SV2B: variants seen among roughly 807,000 people sequenced by gnomAD.
SV2B encodes the protein synaptic vesicle glycoprotein 2B, also known as solute carrier family 22 member B2.
SV2B carries 41 observed loss-of-function variants against 73.9 expected under a neutral mutation model. That is an observed-to-expected ratio of 0.56 (90% confidence interval 0.43 to 0.72). SV2B has a LOEUF of 0.72. SV2B is among the 30% of genes least tolerant of loss of function. SV2B has a pLI of 0.00. For missense variants in SV2B, 764 were observed against 857.8 expected, an observed-to-expected ratio of 0.89 and a Z score of 1.37; for synonymous variants, 314 against 314.2, an observed-to-expected ratio of 1.00 and a Z score of 0.01.
intron 1 of SV2B, among the ~76,000 whole-genome samples, chr15:91,178,854 C>T (rs2044433728): frequency 6.9e-6 from 1 of 145,284 alleles, no homozygotes; most frequent in African/African-American, 2.5e-5. Context: ...CTCCTGGATT[C>T]ATTAATTTTT....
chr15:91,208,329 C>G (rs57570463), intron 1 of SV2B, among the ~76,000 whole-genome samples: 5,232 of 152,222 alleles, frequency 0.034, 243 homozygotes, highest in East Asian at 0.12. Context: ...TTATATCTCT[C>G]GGGGAATCAT....
At chr15:91,163,792 C>A (rs1177483203) in intron 1 of SV2B, among the ~76,000 whole-genome samples, 1 of 152,172 alleles carries the variant, frequency 6.6e-6, no homozygotes, top group African/African-American at 2.4e-5. Flanking sequence ...TCAATTTTGG[C>A]TTTTGTTGCC....
At position 91,134,059 on chromosome 15, in the gene SV2B, C is replaced by T. The variant is rs145116597; in HGVS notation, c.-392+33696C>T. ...TGTCTCCTAGGCTGGAGTGCAGTGG[C>T]GTGATCTCGGCTCACTGCAACCTCT... On this transcript the variant is annotated intron_variant, in intron 1 of 12. Coordinates refer to ENST00000394232, the MANE Select transcript of SV2B (RefSeq NM_001323032.3). 4.5e-3 allele frequency among the ~76,000 whole-genome samples: 583 copies of T among 128,570 alleles called. 4 individuals carry two copies. The highest frequency in any genetic ancestry group is 0.017 in the African/African-American group (551 of 32,796). 84.3% of individuals were successfully genotyped at this position (128,570 alleles called of 152,430 possible).
intron 1 of SV2B, among the ~76,000 whole-genome samples, chr15:91,109,456 A>G (rs1222714353): frequency 6.6e-6 from 1 of 152,246 alleles, no homozygotes; most frequent in African/African-American, 2.4e-5. Flanking sequence ...GTGATTTACA[A>G]TTCTGTTTTC....
intron 1 of SV2B, among the ~76,000 whole-genome samples, chr15:91,174,617 T>C (rs1481163601): frequency 6.6e-6 from 1 of 152,240 alleles, no homozygotes; most frequent in Non-Finnish European, 1.5e-5. Flanking sequence ...AGCTCCTGGC[T>C]AGCTCAGGCA....
At position 91,187,281 on chromosome 15, in the gene SV2B, A is replaced by T. The variant is rs2044809919; in HGVS notation, c.-391-38592A>T. 2.0e-5 allele frequency among the ~76,000 whole-genome samples: 3 copies of T among 152,224 alleles called. No homozygotes were observed. In the South Asian group the frequency reaches 6.2e-4, roughly 31 times the overall value. ...ATTCTTCTTTCTCATTACTAAGTAG[A>T]TTTATTGCATGAGTAAAATGAATTC... is the stretch of plus-strand genomic sequence containing the variant. On this transcript the variant is annotated intron_variant, in intron 1 of 12. Transcript: ENST00000394232.
In SV2B at chr15:91,298,219, A is replaced by G. The variant is rs1439743062; in HGVS notation, c.*5667A>G. On this transcript the variant is annotated 3_prime_UTR_variant, in exon 13 of 13. Coordinates refer to ENST00000394232, the MANE Select transcript of SV2B (RefSeq NM_001323032.3). The surrounding 1 kb of genome is among the most constrained non-coding windows in gnomAD (Gnocchi z 5.4). ...TCTCATTCGAAAACAAATTTACAGA[A>G]TGCAGAATGGCTACTGTGTGTCTTG... The G allele has an allele frequency of 6.6e-6, 1 of 152,194 alleles. No individual in the cohort carries two copies. Among genetic ancestry groups the G allele is most frequent in the Non-Finnish European group, 1.5e-5 (1 of 68,036 alleles). The allele number at this position is 152,194 out of a possible 1,614,324, so 9.4% of individuals were successfully genotyped here. A position where few individuals can be genotyped will look rare whatever the true frequency, so the allele number is the denominator to read the frequency against.
chr15:91,186,870 AAATT>A (rs1295058043), intron 1 of SV2B, among the ~76,000 whole-genome samples: 1 of 152,162 alleles, frequency 6.6e-6, no homozygotes, highest in Non-Finnish European at 1.5e-5. Context: ...CAAATAAAAT[AAATT>A]AATAAATTAA....
intron 1 of SV2B, among the ~76,000 whole-genome samples, chr15:91,163,637 T>C (rs993569223): frequency 2.0e-5 from 3 of 152,224 alleles, no homozygotes; most frequent in African/African-American, 4.8e-5. Context: ...TAAATTTGTT[T>C]AAGTTCTTTG....
rs566114583 is a variant in SV2B at position 91,245,423 on chromosome 15, C to T, written c.452-6396C>T. ...TGTAAATACAGTATGTAGTTATACA[C>T]GTACCAATACAAATACAAAAATAAA... On this transcript the variant is annotated intron_variant, in intron 2 of 12. Transcript: ENST00000394232. This position sits in a 1 kb window ranked among gnomAD's most constrained non-coding sequence, Gnocchi z 4.2. Among the ~76,000 whole-genome samples, 13 of 152,290 alleles carry T rather than the reference C, an allele frequency of 8.5e-5. No homozygotes were observed. The highest frequency in any genetic ancestry group is 6.2e-4 in the South Asian group (3 of 4,828).
rs1168496174 is a variant in SV2B, at chr15:91,267,569, C to T, written c.1134C>T (p.Ala378=). ...ATGGGTTGTAGGTCTGGGATAATGCCCTGTACTGTGTGATGGGGCCCTACA... is the reference window on the plus strand; with the variant it reads ...ATGGGTTGTAGGTCTGGGATAATGCTCTGTACTGTGTGATGGGGCCCTACA... The part of the protein sequence containing the change: ...KTIFKQVWDN[A]LYCVMGPYRM... The change falls in exon 8 of 13, where the codon GCC becomes GCT. Residue 378 remains alanine (A), a synonymous_variant. Transcript: ENST00000394232. The surrounding 1 kb of genome is among the most constrained non-coding windows in gnomAD (Gnocchi z 4.3). 2 of 1,613,240 alleles carry T rather than the reference C, an allele frequency of 1.2e-6. No homozygotes were observed. The highest frequency in any genetic ancestry group is 1.7e-6 in the Non-Finnish European group (2 of 1,179,650).
Position 91,141,721 on chromosome 15 carries a change from G to A in SV2B, c.-392+41358G>A, listed in dbSNP as rs1400433478. ...CCTAAGGGTTCAAGCCAATAGAGTT[G>A]CCAAATAGTTTGGGTTTTGTTTTGT... On this transcript the variant is annotated intron_variant, in intron 1 of 12. Transcript: ENST00000394232. This position sits in a 1 kb window ranked among gnomAD's most constrained non-coding sequence, Gnocchi z 4.6. 6.7e-6 allele frequency among the ~76,000 whole-genome samples: 1 copy of A among 149,402 alleles called. No homozygotes were observed. The highest frequency in any genetic ancestry group is 6.8e-5 in the Admixed American group (1 of 14,810).
chr15:91,218,736 T>C (rs1270637660), intron 1 of SV2B, among the ~76,000 whole-genome samples: 3 of 152,182 alleles, frequency 2.0e-5, no homozygotes, highest in Admixed American at 1.3e-4. Flanking sequence ...TTTCTTCTTC[T>C]GCCCTGACTC....
intron 1 of SV2B, among the ~76,000 whole-genome samples, chr15:91,212,975 T>C (rs1231503286): frequency 1.5e-5 from 2 of 129,814 alleles, no homozygotes; most frequent in African/African-American, 3.8e-5. Flanking sequence ...ACCCTGTCTC[T>C]ACTAAAAAAA....
At chr15:91,263,774 G>A (rs2048009807) in intron 6 of SV2B, among the ~76,000 whole-genome samples, 1 of 152,152 alleles carries the variant, frequency 6.6e-6, no homozygotes, top group South Asian at 2.1e-4. Context: ...GAACATTTGT[G>A]AACAGAGGAA....
chr15:91,257,400 A>ATTACTTAAAAGAGGGAAGT (rs2047736357), intron 4 of SV2B, among the ~76,000 whole-genome samples: 1 of 152,222 alleles, frequency 6.6e-6, no homozygotes, highest in Non-Finnish European at 1.5e-5. Flanking sequence ...TTTCCACTTT[A>ATTACTTAAAAGAGGGAAGT]TTACTTAAAA....
intron 2 of SV2B, among the ~76,000 whole-genome samples, chr15:91,248,265 G>T: frequency 6.6e-6 from 1 of 152,154 alleles, no homozygotes; most frequent in African/African-American, 2.4e-5. Flanking sequence ...AGCTTGCAGT[G>T]AGCCGAGATC....
chr15:91,210,770 G>A (rs17642450), intron 1 of SV2B, among the ~76,000 whole-genome samples: 7,126 of 152,276 alleles, frequency 0.047, 452 homozygotes, highest in African/African-American at 0.14. Context: ...GTTTTGATAT[G>A]CCTCCAAAGG....
chr15:91,169,863 A>G (rs767877052), intron 1 of SV2B, among the ~76,000 whole-genome samples: 26 of 152,224 alleles, frequency 1.7e-4, no homozygotes, highest in Non-Finnish European at 3.4e-4. Flanking sequence ...ACATTCATTT[A>G]GCAGCCTGGA....
Sources: gnomAD v4.1 joint callset for allele counts (sites outside exome capture counted in the v4.1 genomes callset) on GRCh38, gnomAD v4.1.1 for gene constraint, Gnocchi (gnomAD v3.1) non-coding constraint, MANE v1.5 for transcripts, NCBI Gene and HGNC (gene_info 2026-07-23, HGNC 2026-07-21) for gene names.